TMEM212: variants seen among roughly 807,000 people sequenced by gnomAD.
TMEM212 encodes the protein transmembrane protein 212.
Under a neutral mutation model 20.5 loss-of-function variants are expected in TMEM212, and 23 were observed. The ratio of observed to expected loss-of-function variants is 1.12; its 90% CI spans 0.81 to 1.59. The LOEUF (loss-of-function observed/expected upper bound fraction) is 1.59. TMEM212 is among the 40% of genes most tolerant of loss of function. The pLI, the probability that TMEM212 is intolerant of heterozygous loss-of-function variation, is 0.00. For missense variants in TMEM212, 211 were observed against 215.0 expected (o/e 0.98, Z 0.12); for synonymous variants, 76 against 81.6 (o/e 0.93, Z 0.37).
chr3:171,847,432 G>A (rs1485767812), intron 1 of TMEM212, among the ~76,000 whole-genome samples: 1 of 152,198 alleles, frequency 6.6e-6, no homozygotes, highest in Non-Finnish European at 1.5e-5. Context: ...GTTAGAGAAG[G>A]GGCTTGATTA....
In TMEM212 at chr3:171,858,388, G is replaced by T. The variant is rs1458304809; in HGVS notation, c.*331G>T. ...AGCCATATGTAGAAAGCTGAAACTG[G>T]ATCCCTTCCTTACACCTTATATAAA... On this transcript the variant is annotated 3_prime_UTR_variant, in exon 5 of 5. Coordinates refer to ENST00000334567, the MANE Select transcript of TMEM212 (RefSeq NM_001164436.2). The T allele has an allele frequency of 1.3e-5, 2 of 152,058 alleles. No individual in the cohort carries two copies. Among genetic ancestry groups the T allele is most frequent in the Admixed American group, 6.5e-5 (1 of 15,274 alleles). The allele number at this position is 152,058 out of a possible 1,614,324, so 9.4% of individuals were successfully genotyped here.
At chr3:171,851,293 G>A (rs772526730) in intron 1 of TMEM212, among the ~76,000 whole-genome samples, 10 of 152,168 alleles carry the variant, frequency 6.6e-5, no homozygotes, top group South Asian at 2.1e-4. Context: ...TTCATTATCC[G>A]CTGCTAAATT....
intron 4 of TMEM212, chr3:171,856,978 G>A (rs1010486529): frequency 3.8e-6 from 1 of 261,008 alleles, no homozygotes; most frequent in South Asian, 1.2e-4. Context: ...AGCCCACAAA[G>A]TATAGGGTAG....
At chr3:171,844,679 C>T (rs1196296406) in intron 1 of TMEM212, among the ~76,000 whole-genome samples, 1 of 152,164 alleles carries the variant, frequency 6.6e-6, no homozygotes, top group Non-Finnish European at 1.5e-5. Flanking sequence ...GCACTCCAGC[C>T]TGGGTGACAG....
rs1457732033 is a variant in TMEM212 at position 171,853,679 on chromosome 3, T to C, written c.372T>C (p.Phe124=). 3 of 1,537,386 alleles carry C rather than the reference T, an allele frequency of 2.0e-6. No individual in the cohort carries two copies. Among genetic ancestry groups the C allele is most frequent in the Non-Finnish European group, 2.6e-6 (3 of 1,146,950 alleles). Residue 124 remains phenylalanine, a synonymous_variant, in exon 3 of 5, where the codon TTT becomes TTC. Transcript: ENST00000334567. Reference sequence around the variant, plus strand: ...ATTACCTTGGCTATGCAGTTACCTTTCCTTATCCATATGCAAAATTCCCAT... The same window carrying C: ...ATTACCTTGGCTATGCAGTTACCTTCCCTTATCCATATGCAAAATTCCCAT... ...GTNYLGYAVT[F]PYPYAKFPLA...
chr3:171,849,882 C>CA (rs1724932778), intron 1 of TMEM212, among the ~76,000 whole-genome samples: 1 of 152,118 alleles, frequency 6.6e-6, no homozygotes, highest in Admixed American at 6.6e-5. Flanking sequence ...AGCAGCATGT[C>CA]AAGGAGAGCT....
intron 1 of TMEM212, among the ~76,000 whole-genome samples, chr3:171,850,157 C>T (rs4894776): frequency 0.016 from 2,489 of 152,240 alleles, 37 homozygotes; most frequent in Admixed American, 0.049. Context: ...GTCTGCGCAT[C>T]TTGGGGAAAA....
intron 1 of TMEM212, among the ~76,000 whole-genome samples, chr3:171,848,701 C>T (rs1724897677): frequency 6.9e-6 from 1 of 144,576 alleles, no homozygotes; most frequent in Non-Finnish European, 1.5e-5. Flanking sequence ...TATATCTGAC[C>T]AAAATTTGTA....
At chr3:171,847,070 C>T (rs2108378554) in intron 1 of TMEM212, among the ~76,000 whole-genome samples, 1 of 152,308 alleles carries the variant, frequency 6.6e-6, no homozygotes, top group Non-Finnish European at 1.5e-5. Context: ...TCCTCAGACT[C>T]CCTAGTTCCA....
rs768806920 is a variant in TMEM212, at chr3:171,853,591, CCTT to C, written c.285_287del (p.Leu96del). On this transcript the variant is annotated inframe_deletion, in exon 3 of 5. Coordinates refer to ENST00000334567, the MANE Select transcript of TMEM212 (RefSeq NM_001164436.2). Reference sequence around the variant, plus strand: ...GGATGTCCACTTCATTTTGCAATAGCCTTGGAATCTGCTCTCCTGGGCCCATAT... The same window carrying C: ...GGATGTCCACTTCATTTTGCAATAGCGGAATCTGCTCTCCTGGGCCCATAT... The C allele has an allele frequency of 6.5e-7, 1 of 1,537,156 alleles. No individual in the cohort carries two copies. Among genetic ancestry groups the C allele is most frequent in the East Asian group, 2.4e-5 (1 of 40,916 alleles).
intron 4 of TMEM212, 140 bp downstream of exon 4, chr3:171,856,847 G>C: frequency 2.3e-6 from 1 of 432,646 alleles, no homozygotes. Flanking sequence ...TTATTAAAAT[G>C]GGTACTGCAT....
chr3:171,853,385 G>A, intron 2 of TMEM212, 142 bp from the exon 3 acceptor site: 2 of 684,806 alleles, frequency 2.9e-6, no homozygotes, highest in Non-Finnish European at 4.8e-6. Flanking sequence ...AAAATATAAA[G>A]AGAGAGTCGT....
At chr3:171,852,115 C>G in intron 2 of TMEM212, 74 bp downstream of exon 2, 6 of 1,149,566 alleles carry the variant, frequency 5.2e-6, no homozygotes, top group Non-Finnish European at 7.5e-6. Context: ...CAGGATGGAA[C>G]ATAAAAAATA....
chr3:171,850,021 T>G (rs1724936379), intron 1 of TMEM212, among the ~76,000 whole-genome samples: 1 of 152,028 alleles, frequency 6.6e-6, no homozygotes, highest in African/African-American at 2.4e-5. Context: ...AGACACTCCC[T>G]CTCTCACATT....
chr3:171,854,999 T>C (rs886979268), intron 3 of TMEM212, among the ~76,000 whole-genome samples: 1 of 152,176 alleles, frequency 6.6e-6, no homozygotes, highest in Non-Finnish European at 1.5e-5. Context: ...GTAATTCAGT[T>C]GGCTATGATT....
intron 1 of TMEM212, among the ~76,000 whole-genome samples, chr3:171,844,490 G>A (rs770499095): frequency 2.6e-5 from 4 of 152,118 alleles, no homozygotes; most frequent in African/African-American, 9.7e-5. Flanking sequence ...AGCGGATCAC[G>A]AGGTCAGGAG....
rs1484789489 is a variant in TMEM212, at chr3:171,858,552, A to G, written c.*495A>G. ...CTAAAACACCAAAAGCAATGGCAACAAAAGCCAAAATAGACAAATCGTATC... is the reference window on the plus strand; with the variant it reads ...CTAAAACACCAAAAGCAATGGCAACGAAAGCCAAAATAGACAAATCGTATC... On this transcript the variant is annotated 3_prime_UTR_variant, in exon 5 of 5. Coordinates refer to ENST00000334567, the MANE Select transcript of TMEM212 (RefSeq NM_001164436.2). The G allele has an allele frequency of 1.3e-5, 2 of 152,202 alleles. No individual in the cohort carries two copies. Among genetic ancestry groups the G allele is most frequent in the Non-Finnish European group, 2.9e-5 (2 of 68,040 alleles). 9.4% of individuals were successfully genotyped at this position (152,202 alleles called of 1,614,324 possible).
chr3:171,846,578 G>T (rs182676354), intron 1 of TMEM212, among the ~76,000 whole-genome samples: 5 of 152,166 alleles, frequency 3.3e-5, no homozygotes, highest in Non-Finnish European at 7.4e-5. Flanking sequence ...ATGAGTGAAT[G>T]AATCTCATAC....
chr3:171,853,762 A>G lies in TMEM212; in HGVS notation c.455A>G (p.Asp152Gly), dbSNP rs943819450. 6.5e-7 allele frequency: 1 copy of G among 1,537,186 alleles called. No individual in the cohort carries two copies. Among genetic ancestry groups the G allele is most frequent in the African/African-American group, 1.4e-5 (1 of 72,980 alleles). Reference protein sequence around the residue: ...EEYHLTLQALDLCLSFTLLCT... With the variant: ...EEYHLTLQALGLCLSFTLLCT... ...TACCACCTGACACTTCAAGCCCTAGACCTGTGCCTAAGCTTTACCCTACTC... is the reference window on the plus strand; with the variant it reads ...TACCACCTGACACTTCAAGCCCTAGGCCTGTGCCTAAGCTTTACCCTACTC... The change falls in exon 3 of 5, where the codon GAC becomes GGC. Residue 152 changes from aspartate to glycine, a missense_variant. Physicochemically the swap from Asp to Gly is moderately conservative, Grantham distance 94 (BLOSUM62 -1). Coordinates refer to ENST00000334567, the MANE Select transcript of TMEM212 (RefSeq NM_001164436.2).
Sources: allele counts gnomAD v4.1 joint callset (sites outside exome capture counted in the v4.1 genomes callset), GRCh38; gene constraint gnomAD v4.1.1; transcripts MANE v1.5; gene names NCBI Gene and HGNC (gene_info 2026-07-23, HGNC 2026-07-21).